Variants in HTR3A observed in about 807,000 individuals in gnomAD.
The protein encoded by HTR3A is 5-hydroxytryptamine receptor 3A.
Under a neutral mutation model 54.8 loss-of-function variants are expected in HTR3A, and 45 were observed. The observed-to-expected ratio is 0.82, with a 90% CI of 0.65 to 1.05. The LOEUF (loss-of-function observed/expected upper bound fraction) is 1.05, where lower values mean the gene tolerates loss of function less well. Among genes scored for constraint, HTR3A ranks in the 50% least tolerant of loss-of-function variants. HTR3A has a pLI of 0.00. For missense variants in HTR3A, 657 were observed against 614.0 expected (o/e 1.07, Z -0.74); for synonymous variants, 297 against 256.0 (o/e 1.16, Z -1.53).
chr11:113,977,740 GGT>G, intron 1 of HTR3A, 29 bp from the exon 2 acceptor site: 1 of 1,611,446 alleles, frequency 6.2e-7, no homozygotes, highest in Non-Finnish European at 8.5e-7. Flanking sequence ...TTGGGGGGCT[GGT>G]GTCTACTTTG....
At chr11:113,979,390 C>T (rs775897633) in intron 3 of HTR3A, 113 bp downstream of exon 3, 2 of 788,698 alleles carry the variant, frequency 2.5e-6, no homozygotes, top group East Asian at 2.5e-5. Flanking sequence ...GGCTGAGGGG[C>T]ACCCTCAGCC....
At chr11:113,987,388 C>T (rs1344445580) in intron 8 of HTR3A, among the ~76,000 whole-genome samples, 1 of 152,094 alleles carries the variant, frequency 6.6e-6, no homozygotes, top group Non-Finnish European at 1.5e-5. Flanking sequence ...TATTGGTCTC[C>T]CTGCCTCACA....
chr11:113,987,210 G>A (rs973560840), intron 8 of HTR3A, among the ~76,000 whole-genome samples, 164 bp downstream of exon 8: 3 of 152,226 alleles, frequency 2.0e-5, no homozygotes, highest in African/African-American at 7.2e-5. Context: ...AAAGATGTCA[G>A]TCCAGACCCT....
chr11:113,980,034 G>A (rs1950402951), intron 3 of HTR3A, among the ~76,000 whole-genome samples: 1 of 152,178 alleles, frequency 6.6e-6, no homozygotes, highest in South Asian at 2.1e-4. Flanking sequence ...CATGGGACAG[G>A]GCGTGGGGTA....
intron 5 of HTR3A, among the ~76,000 whole-genome samples, chr11:113,984,093 T>C (rs1950458722): frequency 6.6e-6 from 1 of 152,058 alleles, no homozygotes; most frequent in South Asian, 2.1e-4. Flanking sequence ...TACCTGGCCC[T>C]TTCCTCCCTC....
chr11:113,977,997 C>G, intron 2 of HTR3A, 75 bp downstream of exon 2: 2 of 1,550,606 alleles, frequency 1.3e-6, no homozygotes, highest in East Asian at 2.2e-5. Flanking sequence ...CAAGTCACCC[C>G]CTATGCAGCT....
At position 113,989,926 on chromosome 11, in the gene HTR3A, G is replaced by T; in HGVS notation, c.*163G>T. 1.2e-6 allele frequency: 1 copy of T among 845,538 alleles called. No individual in the cohort carries two copies. Among genetic ancestry groups the T allele is most frequent in the Non-Finnish European group, 1.9e-6 (1 of 516,724 alleles). 52.4% of individuals were successfully genotyped at this position (845,538 alleles called of 1,614,324 possible). A position where few individuals can be genotyped will look rare whatever the true frequency, so the allele number is the denominator to read the frequency against. ...TGCCAATTCATCTCAGCAATCACAA[G>T]CCAAGGTCTGAACCCTTCCACCAAA... On this transcript the variant is annotated 3_prime_UTR_variant, in exon 9 of 9. Transcript: ENST00000504030. The surrounding 1 kb of genome is among the most constrained non-coding windows in gnomAD (Gnocchi z 4.4).
chr11:113,983,040 C>A, intron 4 of HTR3A, 80 bp from the exon 5 acceptor site: 2 of 1,534,600 alleles, frequency 1.3e-6, no homozygotes, highest in Non-Finnish European at 1.8e-6. Flanking sequence ...CACTCCCTAC[C>A]CAGTTGTTCC....
rs746505281 is a variant in HTR3A, at chr11:113,979,316, C to T, written c.264+39C>T. On this transcript the variant is annotated intron_variant, in intron 3 of 8. Coordinates refer to ENST00000504030, the MANE Select transcript of HTR3A (RefSeq NM_000869.6). ...CCCCTCCCTGCCCCCGTTACCCATC[C>T]TCCTGGGAAGGAGTCGGGAATTCGG... is the stretch of plus-strand genomic sequence containing the variant. 8 of 1,549,242 alleles carry T rather than the reference C, an allele frequency of 5.2e-6. No homozygotes were observed. In the Admixed American group the frequency reaches 6.7e-5, roughly 13 times the overall value.
chr11:113,986,875 A>G lies in HTR3A; in HGVS notation c.967A>G (p.Thr323Ala). ...TCTGCTGGTGATAAGTTTGGCCGAG[A>G]CCATCTTCATTGTGCGGCTGGTGCA... ...MALLVISLAE[T>A]IFIVRLVHKQ... The change falls in exon 8 of 9, where the codon ACC (threonine) becomes GCC (alanine). Residue 323 changes from threonine (T) to alanine (A), a missense_variant. Thr to Ala is a moderately conservative substitution (Grantham distance 58). Transcript: ENST00000504030. The G allele has an allele frequency of 6.2e-7, 1 of 1,614,040 alleles. No homozygotes were observed. Among genetic ancestry groups the G allele is most frequent in the Non-Finnish European group, 8.5e-7 (1 of 1,180,006 alleles).
intron 4 of HTR3A, among the ~76,000 whole-genome samples, chr11:113,982,023 A>T (rs1439947410): frequency 3.3e-5 from 5 of 151,594 alleles, no homozygotes; most frequent in Non-Finnish European, 5.9e-5. Context: ...CCCGCAAAGG[A>T]GATTTGGAGC....
At chr11:113,988,591 C>G (rs1353881244) in intron 8 of HTR3A, among the ~76,000 whole-genome samples, 1 of 152,110 alleles carries the variant, frequency 6.6e-6, no homozygotes, top group Admixed American at 6.6e-5. Flanking sequence ...TGGTGAAACC[C>G]CATCTCTACT....
chr11:113,975,610 C>T (rs140628434), intron 1 of HTR3A, among the ~76,000 whole-genome samples: 21 of 152,110 alleles, frequency 1.4e-4, no homozygotes, highest in East Asian at 9.7e-4. Context: ...GGGGCAAGAG[C>T]GGAGCTTGCA....
intron 3 of HTR3A, 139 bp downstream of exon 3, chr11:113,979,416 T>C: frequency 1.4e-6 from 1 of 715,036 alleles, no homozygotes; most frequent in East Asian, 2.6e-5. Flanking sequence ...TCCAGGAGTG[T>C]GGAATCTCCT....
In HTR3A at chr11:113,977,906, A is replaced by G. The variant is rs1179971488; in HGVS notation, c.203A>G (p.Tyr68Cys). 2 of 1,614,108 alleles carry G rather than the reference A, an allele frequency of 1.2e-6. No homozygotes were observed. Among genetic ancestry groups the G allele is most frequent in the South Asian group, 1.1e-5 (1 of 91,090 alleles). Residue 68 changes from tyrosine (Y) to cysteine (C), a missense_variant, in exon 2 of 9, where the codon TAT (tyrosine) becomes TGT (cysteine). By Grantham distance (194) the Tyr-to-Cys change is radical (BLOSUM62 -2). Transcript: ENST00000504030. Reference sequence around the variant, plus strand: ...ACCGTATCCATTGACGTCATTGTCTATGCCATCCTCAACGTGGTGAGGCTC... The same window carrying G: ...ACCGTATCCATTGACGTCATTGTCTGTGCCATCCTCAACGTGGTGAGGCTC... ...PTTVSIDVIV[Y>C]AILNVDEKNQ... is the part of the protein sequence containing the mutation.
Position 113,989,614 on chromosome 11 carries a change from G to T in HTR3A, c.1288G>T (p.Glu430Ter), listed in dbSNP as rs769823505. ...QELSSIRQFL[E>*]KRDEIREVAR... is the part of the protein sequence containing the mutation. ...GCTGTCCTCCATCCGGCAATTCCTG[G>T]AAAAGCGGGATGAGATCCGAGAGGT... Residue 430 changes from glutamate to a stop codon, truncating the protein, a stop_gained, in exon 9 of 9, where the codon GAA (glutamate) becomes TAA (stop). Coordinates refer to ENST00000504030, the MANE Select transcript of HTR3A (RefSeq NM_000869.6). LOFTEE classifies it high-confidence loss of function. This position sits in a 1 kb window ranked among gnomAD's most constrained non-coding sequence, Gnocchi z 4.4. 2 of 1,614,194 alleles carry T rather than the reference G, an allele frequency of 1.2e-6. No homozygotes were observed. The highest frequency in any genetic ancestry group is 1.7e-6 in the Non-Finnish European group (2 of 1,180,032).
chr11:113,977,034 G>T (rs566021125), intron 1 of HTR3A, among the ~76,000 whole-genome samples: 3 of 151,944 alleles, frequency 2.0e-5, no homozygotes, highest in African/African-American at 7.2e-5. Flanking sequence ...CCCGGAAGTC[G>T]TTTGATTTCT....
chr11:113,986,527 C>A lies in HTR3A; in HGVS notation c.715C>A (p.Arg239Ser). The A allele has an allele frequency of 6.2e-7, 1 of 1,612,466 alleles. No homozygotes were observed. Among genetic ancestry groups the A allele is most frequent in the Middle Eastern group, 1.7e-4 (1 of 6,048 alleles). ...YAEMKFYVVI[R>S]RRPLFYVVSL... is the part of the protein sequence containing the mutation. ...TCTTCTCCGGTCCCAGGTGGTCATC[C>A]GCCGGCGGCCCCTCTTCTATGTGGT... The change falls in exon 7 of 9, where the codon CGC (arginine) becomes AGC (serine). Residue 239 changes from arginine (R) to serine (S), a missense_variant. Transcript: ENST00000504030.
intron 6 of HTR3A, 133 bp downstream of exon 6, chr11:113,986,308 G>A (rs148340767): frequency 1.6e-6 from 2 of 1,222,408 alleles, no homozygotes; most frequent in African/African-American, 1.5e-5. Context: ...CTTCAGTGAA[G>A]TAGATGGAGA....
Sources: gnomAD v4.1 joint callset for allele counts (sites outside exome capture counted in the v4.1 genomes callset) on GRCh38, gnomAD v4.1.1 for gene constraint, Gnocchi (gnomAD v3.1) non-coding constraint, MANE v1.5 for transcripts, NCBI Gene and HGNC (gene_info 2026-07-23, HGNC 2026-07-21) for gene names.